Variants in BORCS5 observed in about 807,000 individuals in gnomAD.
BORCS5 encodes the protein BLOC-1 related complex subunit 5, also known as BLOC-1-related complex subunit 5.
Under a neutral mutation model 22.1 loss-of-function variants are expected in BORCS5, and 17 were observed. That is an observed-to-expected ratio of 0.77 (90% CI 0.53 to 1.15). The LOEUF is 1.15. BORCS5 is among the 50% of genes most tolerant of loss of function. BORCS5 has a pLI of 0.00. For missense variants in BORCS5, 247 were observed against 253.2 expected (o/e 0.98, Z 0.17); for synonymous variants, 117 against 99.8 (o/e 1.17, Z -1.03).
At chr12:12,406,051 A>C (rs1475643078) in intron 2 of BORCS5, among the ~76,000 whole-genome samples, 1 of 152,260 alleles carries the variant, frequency 6.6e-6, no homozygotes, top group Admixed American at 6.5e-5. Flanking sequence ...ACTTTGCCAC[A>C]GGGATTGCTT....
intron 2 of BORCS5, among the ~76,000 whole-genome samples, chr12:12,391,548 G>A (rs1221232881): frequency 6.6e-6 from 1 of 151,474 alleles, no homozygotes; most frequent in Non-Finnish European, 1.5e-5. Flanking sequence ...ACCATGCCCG[G>A]CTAATTTTTT....
At chr12:12,405,830 A>C (rs1434774758) in intron 2 of BORCS5, among the ~76,000 whole-genome samples, 1 of 152,238 alleles carries the variant, frequency 6.6e-6, no homozygotes, top group Non-Finnish European at 1.5e-5. Context: ...AGTTAAGTAC[A>C]TTGGTCAGAT....
intron 2 of BORCS5, among the ~76,000 whole-genome samples, chr12:12,409,072 G>T (rs1024987387): frequency 2.7e-5 from 4 of 149,922 alleles, no homozygotes; most frequent in Non-Finnish European, 4.5e-5. Context: ...AGTGAGTAAG[G>T]GTTCTACATC....
chr12:12,395,504 C>T (rs1455215868), intron 2 of BORCS5, among the ~76,000 whole-genome samples: 1 of 131,260 alleles, frequency 7.6e-6, no homozygotes, highest in Non-Finnish European at 1.5e-5. Context: ...CCAGGCTGAT[C>T]TCGAACTCCC....
chr12:12,408,856 T>G (rs1052207916), intron 2 of BORCS5, among the ~76,000 whole-genome samples: 1 of 152,232 alleles, frequency 6.6e-6, no homozygotes, highest in Non-Finnish European at 1.5e-5. Context: ...AAATTTGAAT[T>G]GTTTCCATGT....
At chr12:12,429,051 G>A (rs986928478) in intron 2 of BORCS5, among the ~76,000 whole-genome samples, 5 of 152,140 alleles carry the variant, frequency 3.3e-5, no homozygotes, top group African/African-American at 7.2e-5. Flanking sequence ...TGGAGCTGCC[G>A]GGCATTGGAC....
chr12:12,380,861 C>A (rs571738146), intron 2 of BORCS5, among the ~76,000 whole-genome samples: 6 of 151,228 alleles, frequency 4.0e-5, no homozygotes, highest in Middle Eastern at 3.4e-3. Flanking sequence ...GCTTGAAATA[C>A]CTGTTCAAAT....
chr12:12,389,879 A>G (rs111666519), intron 2 of BORCS5, among the ~76,000 whole-genome samples: 2,800 of 151,918 alleles, frequency 0.018, 53 homozygotes, highest in South Asian at 0.03. Flanking sequence ...CTTGACCTCA[A>G]GTGATCTTCC....
At chr12:12,430,875 G>A (rs1942406256) in intron 2 of BORCS5, among the ~76,000 whole-genome samples, 1 of 151,944 alleles carries the variant, frequency 6.6e-6, no homozygotes, top group African/African-American at 2.4e-5. Context: ...ATCTTATGGA[G>A]GTTTTTTTCC....
chr12:12,363,992 C>T (rs1178865182), intron 2 of BORCS5, among the ~76,000 whole-genome samples: 1 of 151,974 alleles, frequency 6.6e-6, no homozygotes, highest in Non-Finnish European at 1.5e-5. Context: ...ATAGCATAAA[C>T]AGTTGATTAA....
At chr12:12,428,440 T>C (rs1942342823) in intron 2 of BORCS5, among the ~76,000 whole-genome samples, 1 of 152,244 alleles carries the variant, frequency 6.6e-6, no homozygotes, top group Non-Finnish European at 1.5e-5. Flanking sequence ...ATAAGCAAAG[T>C]GGTTTAAACA....
At chr12:12,440,614 A>AAG (rs1942663620) in intron 3 of BORCS5, among the ~76,000 whole-genome samples, 1 of 151,736 alleles carries the variant, frequency 6.6e-6, no homozygotes. Context: ...TGAAAAAAAA[A>AAG]AAAAAACCAG....
chr12:12,434,410 C>T (rs993940433), intron 2 of BORCS5, among the ~76,000 whole-genome samples: 5 of 151,692 alleles, frequency 3.3e-5, no homozygotes, highest in African/African-American at 9.7e-5. Context: ...TGTGGTAGGG[C>T]GATCACTGGG....
chr12:12,371,000 C>T (rs1446519123), intron 2 of BORCS5, among the ~76,000 whole-genome samples: 15 of 152,286 alleles, frequency 9.8e-5, no homozygotes, highest in African/African-American at 1.9e-4. Context: ...CCGCCCACCT[C>T]GGCCTCCCAA....
chr12:12,393,965 G>A (rs553949080), intron 2 of BORCS5, among the ~76,000 whole-genome samples: 1 of 151,882 alleles, frequency 6.6e-6, no homozygotes, highest in African/African-American at 2.4e-5. Flanking sequence ...ACTTTTTATG[G>A]TTTTTCTTTC....
chr12:12,447,860 C>T (rs950231289), intron 3 of BORCS5, among the ~76,000 whole-genome samples: 5 of 152,206 alleles, frequency 3.3e-5, no homozygotes, highest in African/African-American at 4.8e-5. Flanking sequence ...TTCTGGACAT[C>T]GGAAAAGGGA....
At chr12:12,414,713 TG>T (rs1941877339) in intron 2 of BORCS5, among the ~76,000 whole-genome samples, 1 of 121,900 alleles carries the variant, frequency 8.2e-6, no homozygotes. Context: ...CCCTCCCGGA[TG>T]GGGTGGCTGC....
At chr12:12,434,140 G>T (rs1942499652) in intron 2 of BORCS5, among the ~76,000 whole-genome samples, 1 of 151,940 alleles carries the variant, frequency 6.6e-6, no homozygotes, top group Non-Finnish European at 1.5e-5. Flanking sequence ...AAAACTAGCT[G>T]GCTGTGGTAA....
At chr12:12,437,862 A>T (rs938408404) in intron 3 of BORCS5, among the ~76,000 whole-genome samples, 2 of 152,142 alleles carry the variant, frequency 1.3e-5, no homozygotes, top group African/African-American at 4.8e-5. Context: ...TGCTGGGCAG[A>T]AGCGATTCTC....
Sources: allele counts gnomAD v4.1 joint callset (sites outside exome capture counted in the v4.1 genomes callset), GRCh38; gene constraint gnomAD v4.1.1; transcripts MANE v1.5; gene names NCBI Gene and HGNC (gene_info 2026-07-23, HGNC 2026-07-21).